Variants in DTD2 observed in about 807,000 individuals in gnomAD.
The protein encoded by DTD2 is D-tyrosyl-tRNA deacylase 2 (putative).
DTD2 carries 12 observed loss-of-function variants against 15.5 expected under a neutral mutation model. The ratio of observed to expected loss-of-function variants is 0.77; its 90% confidence interval spans 0.50 to 1.25. The LOEUF (loss-of-function observed/expected upper bound fraction) is 1.25, where lower values mean the gene tolerates loss of function less well. Among genes scored for constraint, DTD2 ranks in the 50% most tolerant of loss-of-function variants. The pLI is 0.00. For missense variants in DTD2, 170 were observed against 201.1 expected (o/e 0.85, Z 0.93); for synonymous variants, 59 against 77.3 (o/e 0.76, Z 1.24).
At chr14:31,457,115 C>T in intron 1 of DTD2, 168 bp downstream of exon 1, 1 of 620,336 alleles carries the variant, frequency 1.6e-6, no homozygotes. Flanking sequence ...ACCGAAAAGA[C>T]AAGCGCAGCC....
At chr14:31,448,744 A>G (rs1739674401) in intron 2 of DTD2, among the ~76,000 whole-genome samples, 1 of 152,254 alleles carries the variant, frequency 6.6e-6, no homozygotes, top group South Asian at 2.1e-4. Context: ...TTAACTGTAC[A>G]CTGGAACCTC....
At chr14:31,453,843 A>G (rs1193337020) in intron 1 of DTD2, among the ~76,000 whole-genome samples, 1 of 152,228 alleles carries the variant, frequency 6.6e-6, no homozygotes, top group African/African-American at 2.4e-5. Flanking sequence ...TATAAGCTCC[A>G]GGAAACTGTC....
rs149521861 is a variant in DTD2, at chr14:31,448,538, T to C, written c.182-84A>G. The C allele has an allele frequency of 3.1e-4, 399 of 1,269,782 alleles. 2 individuals carry two copies. The East Asian group carries it at 9.3e-3, about 30-fold the overall frequency. The allele number at this position is 1,269,782 out of a possible 1,614,324, so 78.7% of individuals were successfully genotyped here. On this transcript the variant is annotated intron_variant, in intron 2 of 2. Coordinates refer to ENST00000310850, the MANE Select transcript of DTD2 (RefSeq NM_080664.3). ...TCAAGTTTTTAGTCAGCAAATCTCA[T>C]GTTTAAAATTCAGTTTGTCAGCTCA...
At chr14:31,450,052 A>C (rs2032012209) in intron 2 of DTD2, among the ~76,000 whole-genome samples, 1 of 152,206 alleles carries the variant, frequency 6.6e-6, no homozygotes, top group Admixed American at 6.5e-5. Context: ...ACTGCTTGTA[A>C]GGAAACTTTC....
At chr14:31,454,002 G>A (rs994183539) in intron 1 of DTD2, among the ~76,000 whole-genome samples, 2 of 152,084 alleles carry the variant, frequency 1.3e-5, no homozygotes, top group Non-Finnish European at 2.9e-5. Flanking sequence ...ATAATGGCTT[G>A]GATATTTCTT....
At chr14:31,453,136 A>G (rs186315116) in intron 2 of DTD2, 139 bp downstream of exon 2, 1 of 707,720 alleles carries the variant, frequency 1.4e-6, no homozygotes, top group East Asian at 2.7e-5. Flanking sequence ...AAGAGGTCTT[A>G]CTATGTTGCC....
Position 31,453,361 on chromosome 14 carries a change from C to T in DTD2, c.112-17G>A. 6.2e-7 allele frequency: 1 copy of T among 1,611,034 alleles called. No individual in the cohort carries two copies. On this transcript the variant is annotated splice_polypyrimidine_tract_variant and intron_variant, in intron 1 of 2. Transcript: ENST00000310850. ...TCTTTGGACCTATGAGAAATCACCA[C>T]AGTAAACTCAGATTACAACAATATC...
intron 2 of DTD2, among the ~76,000 whole-genome samples, chr14:31,449,198 C>T (rs1385932350): frequency 1.2e-4 from 19 of 152,152 alleles, no homozygotes; most frequent in Non-Finnish European, 5.9e-5. Context: ...CAGCTAAATT[C>T]TTCTTTATAA....
intron 1 of DTD2, among the ~76,000 whole-genome samples, chr14:31,455,936 C>T (rs1240468099): frequency 6.6e-6 from 1 of 151,868 alleles, no homozygotes; most frequent in Non-Finnish European, 1.5e-5. Context: ...CAAGACCTCA[C>T]AAAAAATCAT....
In DTD2 at chr14:31,447,145, C is replaced by G. The variant is rs1246643891; in HGVS notation, c.*984G>C. 6 of 152,002 alleles carry G rather than the reference C, an allele frequency of 3.9e-5. No homozygotes were observed. Among genetic ancestry groups the G allele is most frequent in the South Asian group, 2.1e-4 (1 of 4,814 alleles). 9.4% of individuals were successfully genotyped at this position (152,002 alleles called of 1,614,324 possible). A position where few individuals can be genotyped will look rare whatever the true frequency, so the allele number is the denominator to read the frequency against. ...TAACCCTTCTATATTACATATATAT[C>G]TATATGTATATGTATATGTTAGAGA... On this transcript the variant is annotated 3_prime_UTR_variant, in exon 3 of 3. Transcript: ENST00000310850.
At chr14:31,451,822 C>T (rs2032038987) in intron 2 of DTD2, among the ~76,000 whole-genome samples, 1 of 152,238 alleles carries the variant, frequency 6.6e-6, no homozygotes, top group South Asian at 2.1e-4. Context: ...GAGAATACAA[C>T]CTGTTCCCAA....
chr14:31,455,145 T>C (rs1279079729), intron 1 of DTD2, among the ~76,000 whole-genome samples: 2 of 152,100 alleles, frequency 1.3e-5, no homozygotes, highest in African/African-American at 4.8e-5. Flanking sequence ...ATAAAATACA[T>C]GTGATTTTGC....
chr14:31,449,431 C>G (rs536387188), intron 2 of DTD2, among the ~76,000 whole-genome samples: 1 of 152,094 alleles, frequency 6.6e-6, no homozygotes, highest in Non-Finnish European at 1.5e-5. Context: ...TTCATTGTTA[C>G]AACTGAAAAA....
rs2031980001 is a variant in DTD2 at position 31,447,874 on chromosome 14, A to G, written c.*255T>C. 4.9e-6 allele frequency: 2 copies of G among 405,912 alleles called. No homozygotes were observed. The highest frequency in any genetic ancestry group is 6.5e-4 in the Middle Eastern group (1 of 1,538). The allele number at this position is 405,912 out of a possible 1,614,324, so 25.1% of individuals were successfully genotyped here. On this transcript the variant is annotated 3_prime_UTR_variant, in exon 3 of 3. Coordinates refer to ENST00000310850, the MANE Select transcript of DTD2 (RefSeq NM_080664.3). Reference sequence around the variant, plus strand: ...AAGAACATTTCCTTAATGACTATGAAGTGAATAGACAGCATATTTCAAATT... The same window carrying G: ...AAGAACATTTCCTTAATGACTATGAGGTGAATAGACAGCATATTTCAAATT...
Position 31,448,231 on chromosome 14 carries a change from C to G in DTD2, c.405G>C (p.Lys135Asn). 1 of 1,614,208 alleles carries G rather than the reference C, an allele frequency of 6.2e-7. No homozygotes were observed. The highest frequency in any genetic ancestry group is 8.5e-7 in the Non-Finnish European group (1 of 1,180,032). The part of the protein sequence containing the change: ...LCEKEVAANS[K>N]CAEARVVVEH... ...CCACTACAACCCTAGCTTCAGCACA[C>G]TTGCTATTAGCAGCTACTTCTTTTT... The change falls in exon 3 of 3, where the codon AAG (lysine) becomes AAC (asparagine). Residue 135 changes from lysine (K) to asparagine (N), a missense_variant. By Grantham distance (94) the Lys-to-Asn change is moderately conservative (BLOSUM62 0). Transcript: ENST00000310850.
At chr14:31,457,104 G>A in intron 1 of DTD2, 179 bp downstream of exon 1, 1 of 604,688 alleles carries the variant, frequency 1.7e-6, no homozygotes, top group South Asian at 1.9e-5. Context: ...GGTGATGCTG[G>A]ACCGAAAAGA....
intron 1 of DTD2, among the ~76,000 whole-genome samples, chr14:31,454,182 C>G (rs1232354415): frequency 6.6e-6 from 1 of 152,068 alleles, no homozygotes; most frequent in Non-Finnish European, 1.5e-5. Context: ...AACACAGTGC[C>G]TGGTTCATAG....
chr14:31,456,120 C>T (rs184160588), intron 1 of DTD2, among the ~76,000 whole-genome samples: 60 of 152,132 alleles, frequency 3.9e-4, no homozygotes, highest in African/African-American at 1.3e-3. Flanking sequence ...AGGCGGGGTG[C>T]GGTGGCTCAG....
chr14:31,448,162 G>A lies in DTD2; in HGVS notation c.474C>T (p.Thr158=). ...CAATTAAGTGTGTGAATGGTCCGTT[G>A]GTGTCCAGCTTTAACACCTGCCTGT... ...YGNRQVLKLD[T]NGPFTHLIEF Residue 158 remains threonine, a synonymous_variant, in exon 3 of 3, where the codon ACC becomes ACT. Coordinates refer to ENST00000310850, the MANE Select transcript of DTD2 (RefSeq NM_080664.3). 1 of 1,613,612 alleles carries A rather than the reference G, an allele frequency of 6.2e-7. No individual in the cohort carries two copies. The highest frequency in any genetic ancestry group is 8.5e-7 in the Non-Finnish European group (1 of 1,179,750).
Sources: allele counts gnomAD v4.1 joint callset (sites outside exome capture counted in the v4.1 genomes callset), GRCh38; gene constraint gnomAD v4.1.1; transcripts MANE v1.5; gene names NCBI Gene and HGNC (gene_info 2026-07-23, HGNC 2026-07-21).